ZBTB7C: variants seen among roughly 807,000 people sequenced by gnomAD.
ZBTB7C encodes the protein zinc finger and BTB domain-containing protein 7C.
Under a neutral mutation model 25.7 loss-of-function variants are expected in ZBTB7C, and 8 were observed. The ratio of observed to expected loss-of-function variants is 0.31; its 90% confidence interval spans 0.18 to 0.56. The LOEUF is 0.56. Ranked by LOEUF, ZBTB7C falls within the 20% of genes least tolerant of loss-of-function variation. ZBTB7C has a pLI of 0.91. For missense variants in ZBTB7C, 824 were observed against 855.2 expected (o/e 0.96, Z 0.46); for synonymous variants, 394 against 369.0 (o/e 1.07, Z -0.78).
At chr18:48,208,771 G>A (rs148762188) in intron 2 of ZBTB7C, among the ~76,000 whole-genome samples, 52 of 152,294 alleles carry the variant, frequency 3.4e-4, no homozygotes, top group Non-Finnish European at 7.4e-4. Flanking sequence ...TGGCTGAGGT[G>A]TGCCACTTCC....
At chr18:48,156,375 C>T (rs374429895) in intron 3 of ZBTB7C, among the ~76,000 whole-genome samples, 20 of 152,282 alleles carry the variant, frequency 1.3e-4, no homozygotes, top group East Asian at 5.8e-4. Context: ...ACCCACAATG[C>T]GCCCCTTTTC....
chr18:48,246,040 A>C lies in ZBTB7C; in HGVS notation c.-78-60045T>G, dbSNP rs891327329. Among the ~76,000 whole-genome samples, 7 of 152,212 alleles carry C rather than the reference A, an allele frequency of 4.6e-5. 1 individual carries two copies. The highest frequency in any genetic ancestry group is 4.8e-5 in the African/African-American group (2 of 41,448). ...ATTTTCACTATAATATACTGTAAAT[A>C]CTAAATTTGGATCTAATCACAATTA... On this transcript the variant is annotated intron_variant, in intron 2 of 4. Transcript: ENST00000590800.
rs866337009 is a variant in ZBTB7C, at chr18:48,155,627, G to A, written c.-17+30307C>T. ...TGGGATTACAGGCGTGAGCCACCGC[G>A]CCCGGCCAACTCTAATATTCTTTAC... On this transcript the variant is annotated intron_variant, in intron 3 of 4. Coordinates refer to ENST00000590800, the MANE Select transcript of ZBTB7C (RefSeq NM_001318841.2). Among the ~76,000 whole-genome samples the A allele has an allele frequency of 7.2e-5, 11 of 151,896 alleles. No individual in the cohort carries two copies. In the East Asian group the frequency reaches 1.2e-3, roughly 16 times the overall value.
At chr18:48,219,022 C>T (rs2042890864) in intron 2 of ZBTB7C, among the ~76,000 whole-genome samples, 1 of 152,180 alleles carries the variant, frequency 6.6e-6, no homozygotes, top group Non-Finnish European at 1.5e-5. Context: ...TGCCAACCAG[C>T]CCCTTCTCCA....
chr18:48,088,539 G>A (rs1488834232), intron 3 of ZBTB7C, among the ~76,000 whole-genome samples: 2 of 152,182 alleles, frequency 1.3e-5, no homozygotes, highest in East Asian at 1.9e-4. Flanking sequence ...ATTAACAGAA[G>A]GAAACTGGCC....
chr18:48,193,717 G>A (rs2042253154), intron 2 of ZBTB7C, among the ~76,000 whole-genome samples: 1 of 152,226 alleles, frequency 6.6e-6, no homozygotes, highest in Non-Finnish European at 1.5e-5. Context: ...GAAGGGTGGA[G>A]AGGCCAGGAT....
At chr18:48,108,580 T>C (rs2039119694) in intron 3 of ZBTB7C, among the ~76,000 whole-genome samples, 1 of 152,172 alleles carries the variant, frequency 6.6e-6, no homozygotes, top group African/African-American at 2.4e-5. Flanking sequence ...ACTACAGGCA[T>C]GTACCATTAT....
chr18:48,351,233 C>T (rs1312929374), intron 1 of ZBTB7C, among the ~76,000 whole-genome samples: 1 of 152,130 alleles, frequency 6.6e-6, no homozygotes, highest in Admixed American at 6.6e-5. Flanking sequence ...CTTTACCCCT[C>T]CCTGCTGCCC....
Position 48,254,085 on chromosome 18 carries a change from T to C in ZBTB7C, c.-78-68090A>G, listed in dbSNP as rs142182900. On this transcript the variant is annotated intron_variant, in intron 2 of 4. Transcript: ENST00000590800. ...TCTGATATAGGAGTTAAGAAGAAAT[T>C]ACTTATGCAGATAGTGAGGGTATGG... is the stretch of plus-strand genomic sequence containing the variant. Among the ~76,000 whole-genome samples the C allele has an allele frequency of 4.7e-4, 71 of 152,364 alleles. 2 individuals carry two copies. The East Asian group carries it at 0.013, about 28-fold the overall frequency.
chr18:48,116,608 AC>A (rs1185619062), intron 3 of ZBTB7C, among the ~76,000 whole-genome samples: 1 of 151,310 alleles, frequency 6.6e-6, no homozygotes, highest in Non-Finnish European at 1.5e-5. Context: ...GCCTGCTTGC[AC>A]CCTCCCTCTG....
At chr18:48,296,291 C>T (rs561303562) in intron 2 of ZBTB7C, among the ~76,000 whole-genome samples, 1 of 152,192 alleles carries the variant, frequency 6.6e-6, no homozygotes, top group Non-Finnish European at 1.5e-5. Context: ...GTGGCAGCCT[C>T]CTCCTCTAGG....
intron 2 of ZBTB7C, among the ~76,000 whole-genome samples, chr18:48,268,202 T>C (rs2044369346): frequency 6.6e-6 from 1 of 152,334 alleles, no homozygotes. Context: ...TTTTCATAAT[T>C]ACAAGCACTT....
At chr18:48,255,164 T>G (rs1011549287) in intron 2 of ZBTB7C, among the ~76,000 whole-genome samples, 14 of 152,028 alleles carry the variant, frequency 9.2e-5, no homozygotes, top group African/African-American at 3.4e-4. Context: ...ATGTCTGACA[T>G]CCAATACAAA....
intron 3 of ZBTB7C, among the ~76,000 whole-genome samples, chr18:48,137,911 C>T (rs951454461): frequency 1.3e-5 from 2 of 152,242 alleles, no homozygotes; most frequent in East Asian, 3.9e-4. Flanking sequence ...ACCTCTCCTT[C>T]GAGCCTTCTT....
At chr18:48,156,822 C>CT (rs11375714) in intron 3 of ZBTB7C, among the ~76,000 whole-genome samples, 21,890 of 148,330 alleles carry the variant, frequency 0.15, 1,742 homozygotes, top group South Asian at 0.25. Context: ...CCTTAGAACA[C>CT]TTTTTTTTTT....
At chr18:48,361,071 A>G (rs1318505211) in intron 1 of ZBTB7C, among the ~76,000 whole-genome samples, 2 of 152,064 alleles carry the variant, frequency 1.3e-5, no homozygotes, top group African/African-American at 4.8e-5. Context: ...GGTTAGTGGT[A>G]CCAGGATGGC....
At chr18:48,223,461 G>T (rs1306028547) in intron 2 of ZBTB7C, among the ~76,000 whole-genome samples, 9 of 152,166 alleles carry the variant, frequency 5.9e-5, no homozygotes, top group Admixed American at 5.2e-4. Flanking sequence ...CTAATTAACT[G>T]GCCTTCACAG....
intron 1 of ZBTB7C, among the ~76,000 whole-genome samples, chr18:48,370,592 C>T (rs1904354860): frequency 6.6e-6 from 1 of 152,068 alleles, no homozygotes; most frequent in African/African-American, 2.4e-5. Flanking sequence ...TACACAGAAT[C>T]CCTCTGTATT....
chr18:48,040,406 G>A lies in ZBTB7C; in HGVS notation c.702C>T (p.Asn234=). 5 of 1,611,836 alleles carry A rather than the reference G, an allele frequency of 3.1e-6. No individual in the cohort carries two copies. The highest frequency in any genetic ancestry group is 4.2e-6 in the Non-Finnish European group (5 of 1,178,840). ...DFSIESLLRE[N]LYPKANIPDR... ...CGGGGATGTTGGCCTTGGGGTACAG[G>A]TTCTCCCTTAGCAGAGATTCGATGG... Residue 234 remains asparagine, a synonymous_variant, in exon 4 of 5, where the codon AAC becomes AAT. Coordinates refer to ENST00000590800, the MANE Select transcript of ZBTB7C (RefSeq NM_001318841.2).
Sources: allele counts gnomAD v4.1 joint callset (sites outside exome capture counted in the v4.1 genomes callset), GRCh38; gene constraint gnomAD v4.1.1; transcripts MANE v1.5; gene names NCBI Gene and HGNC (gene_info 2026-07-23, HGNC 2026-07-21).